The following GSE1 variants were observed in gnomAD, a reference collection of about 807,000 sequenced individuals.
GSE1 encodes Gse1 coiled-coil protein, also known as genetic suppressor element 1.
In GSE1, 32 loss-of-function variants were observed where a neutral mutation model predicts 112.6. The ratio of observed to expected loss-of-function variants is 0.28; its 90% confidence interval spans 0.21 to 0.38. The LOEUF is 0.38. GSE1 is among the 10% of genes least tolerant of loss of function. The pLI is 1.00. For synonymous variants in GSE1, 1,115 were observed against 735.6 expected (o/e 1.52, Z -8.35); for missense variants, 2,348 against 1,699.2 (o/e 1.38, Z -6.71).
chr16:85,578,673 T>A (rs144573461), intron 1 of GSE1, among the ~76,000 whole-genome samples: 1 of 152,298 alleles, frequency 6.6e-6, no homozygotes, highest in East Asian at 1.9e-4. Flanking sequence ...ATCAGGCAGC[T>A]TCCCTGCTGG....
At chr16:85,324,331 G>A (rs1212616265) in intron 1 of GSE1, among the ~76,000 whole-genome samples, 1 of 152,234 alleles carries the variant, frequency 6.6e-6, no homozygotes, top group African/African-American at 2.4e-5. Context: ...CCAACATGGC[G>A]AAACCCCGTC....
intron 1 of GSE1, among the ~76,000 whole-genome samples, chr16:85,583,727 AAC>A (rs1299688367): frequency 1.3e-5 from 2 of 151,938 alleles, no homozygotes; most frequent in Non-Finnish European, 2.9e-5. Context: ...CCACTGCCAA[AAC>A]ACAAAAAAAC....
At chr16:85,463,224 G>A (rs1033807822) in intron 2 of GSE1, 4 of 484,398 alleles carry the variant, frequency 8.3e-6, no homozygotes, top group East Asian at 1.5e-4. Context: ...ACCTGGCCCC[G>A]CACTCACCCA....
chr16:85,551,357 CCT>C (rs536658436), upstream of GSE1, among the ~76,000 whole-genome samples: 20 of 152,252 alleles, frequency 1.3e-4, no homozygotes, highest in African/African-American at 4.3e-4. Flanking sequence ...ACTGGTGGCC[CCT>C]GTCACCCCTA....
intron 1 of GSE1, among the ~76,000 whole-genome samples, chr16:85,182,504 C>G (rs1036114844): frequency 7.9e-5 from 12 of 152,332 alleles, no homozygotes; most frequent in Middle Eastern, 3.4e-3. Flanking sequence ...CTTCCGGAAA[C>G]TGCGTTTTCT....
intron 1 of GSE1, among the ~76,000 whole-genome samples, chr16:85,190,293 AAG>A (rs2074795235): frequency 6.6e-6 from 1 of 152,270 alleles, no homozygotes; most frequent in African/African-American, 2.4e-5. Context: ...TAATGCAGAA[AAG>A]AGAACTACTT....
At chr16:85,264,139 A>G (rs924272195) in intron 1 of GSE1, among the ~76,000 whole-genome samples, 1 of 152,124 alleles carries the variant, frequency 6.6e-6, no homozygotes, top group Non-Finnish European at 1.5e-5. Context: ...ATTATGGGGC[A>G]CAACCTGTTG....
chr16:85,177,245 T>A (rs892197153), intron 1 of GSE1, among the ~76,000 whole-genome samples: 12 of 152,236 alleles, frequency 7.9e-5, no homozygotes, highest in African/African-American at 2.9e-4. Flanking sequence ...TGCTTAGATC[T>A]CTCAGGATCT....
intron 1 of GSE1, among the ~76,000 whole-genome samples, chr16:85,252,911 A>G (rs1173834916): frequency 1.3e-5 from 2 of 152,136 alleles, no homozygotes; most frequent in Non-Finnish European, 2.9e-5. Context: ...GCTCCCTTGC[A>G]GGGGCCTTCG....
intron 1 of GSE1, among the ~76,000 whole-genome samples, chr16:85,339,899 A>G (rs541117241): frequency 6.6e-6 from 1 of 152,186 alleles, no homozygotes; most frequent in Admixed American, 6.5e-5. Flanking sequence ...TCCCTGTCTT[A>G]CTCACTGCCA....
intron 2 of GSE1, among the ~76,000 whole-genome samples, chr16:85,641,050 A>G (rs977664402): frequency 2.6e-5 from 4 of 152,228 alleles, no homozygotes; most frequent in Non-Finnish European, 4.4e-5. Context: ...TTGGCGTGTC[A>G]GCCTTTGGGG....
intron 2 of GSE1, chr16:85,463,053 C>T: frequency 1.0e-6 from 1 of 981,908 alleles, no homozygotes; most frequent in Non-Finnish European, 1.2e-6. Context: ...CTAGAGGCCC[C>T]GGGTCCCGCG....
At position 85,654,723 on chromosome 16, in the gene GSE1, T is replaced by C. The variant is rs948044212; in HGVS notation, c.600-71T>C. On this transcript the variant is annotated intron_variant, in intron 4 of 15. Coordinates refer to ENST00000253458, the MANE Select transcript of GSE1 (RefSeq NM_014615.5). Reference sequence around the variant, plus strand: ...AGCGCCAGGGGTGATGCAGGGAGTTTAGCCGTCCCCCCATGCAGGAGCAGG... The same window carrying C: ...AGCGCCAGGGGTGATGCAGGGAGTTCAGCCGTCCCCCCATGCAGGAGCAGG... 2.9e-5 allele frequency: 27 copies of C among 938,198 alleles called. No individual in the cohort carries two copies. The African/African-American group carries it at 3.9e-4, about 13-fold the overall frequency. The allele number at this position is 938,198 out of a possible 1,614,324, so 58.1% of individuals were successfully genotyped here.
chr16:85,650,305 T>G (rs744258), intron 3 of GSE1, among the ~76,000 whole-genome samples: 107,742 of 151,942 alleles, frequency 0.71, 38,327 homozygotes, highest in East Asian at 0.9. Context: ...CTTGACCCCA[T>G]GGGCCCTGAA....
rs1019943300 is a variant in GSE1, at chr16:85,277,245, T to G, written c.2284-80218T>G. On this transcript the variant is annotated intron_variant, in intron 1 of 2. Coordinates refer to the GSE1 transcript ENST00000637419. ...AGGCCTGCCCAAGGAGGGAAGGAGATTTCCTTCTGGGGTTCTGGCCAGTGC... is the reference window on the plus strand; with the variant it reads ...AGGCCTGCCCAAGGAGGGAAGGAGAGTTCCTTCTGGGGTTCTGGCCAGTGC... 8.6e-5 allele frequency among the ~76,000 whole-genome samples: 13 copies of G among 151,564 alleles called. 2 individuals carry two copies. In the Middle Eastern group the frequency reaches 0.017, roughly 198 times the overall value.
intron 1 of GSE1, among the ~76,000 whole-genome samples, chr16:85,327,917 A>G (rs11863814): frequency 0.24 from 36,800 of 152,008 alleles, 4,930 homozygotes; most frequent in East Asian, 0.42. Context: ...TTCCTGGAGT[A>G]GGGGGGCGGA....
chr16:85,229,309 G>T (rs1366282034), intron 1 of GSE1, among the ~76,000 whole-genome samples: 2 of 152,218 alleles, frequency 1.3e-5, no homozygotes, highest in Admixed American at 1.3e-4. Flanking sequence ...TTGGCAGGGC[G>T]GACACGGTGA....
chr16:85,531,418 G>C (rs1303114624), intron 2 of GSE1, among the ~76,000 whole-genome samples: 1 of 152,056 alleles, frequency 6.6e-6, no homozygotes, highest in Admixed American at 6.5e-5. Context: ...ACAGACTCTC[G>C]TCCATAGATT....
chr16:85,401,195 A>G (rs2048107056), intron 2 of GSE1, among the ~76,000 whole-genome samples: 1 of 152,176 alleles, frequency 6.6e-6, no homozygotes, highest in Admixed American at 6.5e-5. Context: ...AGTGAGGCCA[A>G]CGTCATGCGT....
Sources: allele counts gnomAD v4.1 joint callset (sites outside exome capture counted in the v4.1 genomes callset), GRCh38; gene constraint gnomAD v4.1.1; transcripts MANE v1.5; gene names NCBI Gene and HGNC (gene_info 2026-07-23, HGNC 2026-07-21).